Variants in ZNF280C observed in about 807,000 individuals in gnomAD.
The protein encoded by ZNF280C is zinc finger protein 280C.
Under a neutral mutation model 53.6 loss-of-function variants are expected in ZNF280C, and 14 were observed. The observed-to-expected ratio is 0.26, with a 90% CI of 0.17 to 0.41. The LOEUF (loss-of-function observed/expected upper bound fraction) is 0.41. Ranked by LOEUF, ZNF280C falls within the 10% of genes least tolerant of loss-of-function variation. The pLI is 1.00. For missense variants in ZNF280C, 416 were observed against 547.1 expected (o/e 0.76, Z 2.39); for synonymous variants, 203 against 181.1 (o/e 1.12, Z -0.97).
intron 2 of ZNF280C, among the ~76,000 whole-genome samples, chrX:130,257,721 A>G (rs2032590229): frequency 8.9e-6 from 1 of 111,996 alleles, no homozygotes; most frequent in South Asian, 3.7e-4. Flanking sequence ...CCTCCCTTCA[A>G]GAGACTGTGC....
At chrX:130,238,377 T>C (rs2032355407) in intron 6 of ZNF280C, among the ~76,000 whole-genome samples, 2 of 111,502 alleles carry the variant, frequency 1.8e-5, no homozygotes, top group Non-Finnish European at 3.8e-5. Context: ...ATAAATGCTT[T>C]ATGTGAGAAA....
chrX:130,236,688 G>T, intron 6 of ZNF280C, 49 bp from the exon 7 acceptor site: 1 of 923,983 alleles, frequency 1.1e-6, no homozygotes, highest in Non-Finnish European at 1.5e-6. Flanking sequence ...ATTTCAGTAT[G>T]GAATATTGCT....
intron 2 of ZNF280C, among the ~76,000 whole-genome samples, chrX:130,258,871 T>C (rs1042836744): frequency 6.3e-5 from 7 of 111,895 alleles, no homozygotes; most frequent in Admixed American, 9.5e-5. Context: ...TTTTTAATTA[T>C]GTGACTCTGG....
chrX:130,265,835 GA>G (rs1453897407), intron 1 of ZNF280C, among the ~76,000 whole-genome samples: 1 of 112,348 alleles, frequency 8.9e-6, no homozygotes, highest in East Asian at 2.8e-4. Context: ...TTCCTTACCT[GA>G]AGTCATACCG....
At chrX:130,240,702 A>C (rs139400299) in intron 5 of ZNF280C, among the ~76,000 whole-genome samples, 221 of 112,214 alleles carry the variant, frequency 2.0e-3, no homozygotes, top group Middle Eastern at 4.6e-3. Context: ...TATTCAACAA[A>C]CAACCTGTTA....
intron 9 of ZNF280C, among the ~76,000 whole-genome samples, chrX:130,229,555 T>C (rs756614978): frequency 2.7e-5 from 3 of 112,511 alleles, no homozygotes; most frequent in Non-Finnish European, 5.6e-5. Context: ...TTGAAAGCTC[T>C]GAAGGTTTCA....
At chrX:130,223,454 A>T (rs2032190153) in intron 12 of ZNF280C, among the ~76,000 whole-genome samples, 1 of 112,017 alleles carries the variant, frequency 8.9e-6, no homozygotes, top group Non-Finnish European at 1.9e-5. Context: ...TTGGGCTATA[A>T]ATCAATTTTG....
chrX:130,255,141 CTTTTTTTTTTTTT>C (rs754125713), intron 2 of ZNF280C, among the ~76,000 whole-genome samples: 2 of 91,186 alleles, frequency 2.2e-5, no homozygotes, highest in African/African-American at 8.1e-5. Context: ...CTTTTTTTTT[CTTTTTTTTTTTTT>C]TTTTGAGACG....
At position 130,239,545 on chromosome X, in the gene ZNF280C, CTT is replaced by C. The variant is rs1290180209; in HGVS notation, c.493+35_493+36del. 3.4e-6 allele frequency: 3 copies of C among 876,872 alleles called. No homozygotes were observed. In the East Asian group the frequency reaches 9.4e-5, roughly 27 times the overall value. The allele number at this position is 876,872 out of a possible 1,213,427, so 72.3% of individuals were successfully genotyped here. A position where few individuals can be genotyped will look rare whatever the true frequency, so the allele number is the denominator to read the frequency against. ...TTCCATATGTATATTCGACAAGTCT[CTT>C]TTTATAATTTTTATGAAAGAGTGCT... On this transcript the variant is annotated intron_variant, in intron 6 of 18. Transcript: ENST00000370978.
chrX:130,205,072 T>TAAA, intron 18 of ZNF280C, 45 bp downstream of exon 18: 1 of 1,155,347 alleles, frequency 8.7e-7, no homozygotes, highest in African/African-American at 1.8e-5. Context: ...ACAACAGTGC[T>TAAA]AAAGTCCATC....
At chrX:130,262,760 GA>G (rs768652426) in intron 1 of ZNF280C, among the ~76,000 whole-genome samples, 1 of 110,860 alleles carries the variant, frequency 9.0e-6, no homozygotes, top group Admixed American at 9.6e-5. Flanking sequence ...TCTTCTGAGG[GA>G]AAAAAAATGA....
At chrX:130,252,486 C>T (rs1366828759) in intron 2 of ZNF280C, among the ~76,000 whole-genome samples, 4 of 111,292 alleles carry the variant, frequency 3.6e-5, no homozygotes, top group African/African-American at 1.3e-4. Flanking sequence ...TTCTGGGAGG[C>T]CGAGGTGGGC....
chrX:130,249,031 C>T (rs906698597), intron 2 of ZNF280C, among the ~76,000 whole-genome samples: 2 of 111,802 alleles, frequency 1.8e-5, no homozygotes, highest in Admixed American at 9.4e-5. Flanking sequence ...CCTGTGCCCA[C>T]CAGCACCCTG....
rs994226517 is a variant in ZNF280C, at chrX:130,255,714, G to T, written c.31+4705C>A. Among the ~76,000 whole-genome samples, 3 of 111,543 alleles carry T rather than the reference G, an allele frequency of 2.7e-5. No homozygotes were observed. In the Admixed American group the frequency reaches 2.8e-4, roughly 11 times the overall value. ...CCAGGCCTGTAATCCCAGCACTTTCGGAGGCCAAGGCAGGTGGATCACTTG... is the reference window on the plus strand; with the variant it reads ...CCAGGCCTGTAATCCCAGCACTTTCTGAGGCCAAGGCAGGTGGATCACTTG... On this transcript the variant is annotated intron_variant, in intron 2 of 18. Coordinates refer to ENST00000370978, the MANE Select transcript of ZNF280C (RefSeq NM_017666.5).
At chrX:130,223,179 T>G (rs955346198) in intron 12 of ZNF280C, among the ~76,000 whole-genome samples, 3 of 110,216 alleles carry the variant, frequency 2.7e-5, no homozygotes, top group Non-Finnish European at 5.7e-5. Flanking sequence ...CCCCTCAGCC[T>G]ACGAGTAGCT....
chrX:130,204,856 G>C lies in ZNF280C; in HGVS notation c.*121C>G. 2 of 540,887 alleles carry C rather than the reference G, an allele frequency of 3.7e-6. No homozygotes were observed. The highest frequency in any genetic ancestry group is 2.8e-6 in the Non-Finnish European group (1 of 355,898). 44.6% of individuals were successfully genotyped at this position (540,887 alleles called of 1,213,427 possible). ...AGCTGAAAAGAGCTGAATAATGAGA[G>C]CTAGTGTCATAAACTTGGCTGTTTA... On this transcript the variant is annotated 3_prime_UTR_variant, in exon 19 of 19. Transcript: ENST00000370978.
At chrX:130,246,095 C>CTG (rs2032447453) in intron 3 of ZNF280C, among the ~76,000 whole-genome samples, 1 of 110,899 alleles carries the variant, frequency 9.0e-6, no homozygotes, top group East Asian at 2.8e-4. Flanking sequence ...ATAAACATCA[C>CTG]CAGTATCTTC....
chrX:130,203,919 T>C lies in ZNF280C; in HGVS notation c.*1058A>G, dbSNP rs1416520280. On this transcript the variant is annotated 3_prime_UTR_variant, in exon 19 of 19. Coordinates refer to ENST00000370978, the MANE Select transcript of ZNF280C (RefSeq NM_017666.5). ...AACGTCAGCCTGGATGTTGAAGCAC[T>C]GATCTAAAAACAATATAAAACCAAG... 9.2e-6 allele frequency: 1 copy of C among 109,137 alleles called. No individual in the cohort carries two copies. The highest frequency in any genetic ancestry group is 2.8e-4 in the East Asian group (1 of 3,513). The allele number at this position is 109,137 out of a possible 1,213,427, so 9.0% of individuals were successfully genotyped here. A position where few individuals can be genotyped will look rare whatever the true frequency, so the allele number is the denominator to read the frequency against.
At chrX:130,262,696 A>G (rs1009359205) in intron 1 of ZNF280C, among the ~76,000 whole-genome samples, 3 of 111,731 alleles carry the variant, frequency 2.7e-5, no homozygotes, top group African/African-American at 9.7e-5. Flanking sequence ...AGAACACCCC[A>G]TATTTCAGCT....
Sources: allele counts gnomAD v4.1 joint callset (sites outside exome capture counted in the v4.1 genomes callset), GRCh38; gene constraint gnomAD v4.1.1; transcripts MANE v1.5; gene names NCBI Gene and HGNC (gene_info 2026-07-23, HGNC 2026-07-21).